Variants in RPTOR observed in about 807,000 individuals in gnomAD.
The protein encoded by RPTOR is regulatory associated protein of MTOR complex 1.
In RPTOR, 21 loss-of-function variants were observed where a neutral mutation model predicts 169.9. The ratio of observed to expected loss-of-function variants is 0.12; its 90% CI spans 0.09 to 0.18. The LOEUF (loss-of-function observed/expected upper bound fraction) is 0.18, where lower values mean the gene tolerates loss of function less well. Ranked by LOEUF, RPTOR falls within the 10% of genes least tolerant of loss-of-function variation. RPTOR has a pLI of 1.00. For synonymous variants in RPTOR, 732 were observed against 753.2 expected (o/e 0.97, Z 0.46); for missense variants, 1,133 against 1,855.9 (o/e 0.61, Z 7.16).
At chr17:80,649,425 C>T (rs989294078) in intron 3 of RPTOR, among the ~76,000 whole-genome samples, 1 of 152,108 alleles carries the variant, frequency 6.6e-6, no homozygotes, top group African/African-American at 2.4e-5. Flanking sequence ...CCAGCCCTCC[C>T]TCCTCCTGCC....
rs182377000 is a variant in RPTOR, at chr17:80,645,397, A to G, written c.348+1587A>G. ...TTTAAAAAAGAATGTAACCCAATAAATTCAGATCTACCAATTGTGTTCTTT... is the reference window on the plus strand; with the variant it reads ...TTTAAAAAAGAATGTAACCCAATAAGTTCAGATCTACCAATTGTGTTCTTT... On this transcript the variant is annotated intron_variant, in intron 3 of 33. Transcript: ENST00000306801. Among the ~76,000 whole-genome samples, 455 of 152,324 alleles carry G rather than the reference A, an allele frequency of 3.0e-3. 2 individuals carry two copies. The highest frequency in any genetic ancestry group is 0.01 in the African/African-American group (417 of 41,564).
chr17:80,574,172 T>G (rs1415464829), intron 1 of RPTOR, among the ~76,000 whole-genome samples: 1 of 148,690 alleles, frequency 6.7e-6, no homozygotes, highest in Admixed American at 6.7e-5. Context: ...TTTTTTTTTT[T>G]TTTGAGACGG....
intron 4 of RPTOR, among the ~76,000 whole-genome samples, chr17:80,714,970 A>G (rs6565477): frequency 1 from 151,777 of 152,324 alleles, 75,622 homozygotes; most frequent in Middle Eastern, 1. Context: ...TGATCCTCCC[A>G]CCTTGGCCTC....
At chr17:80,853,802 C>T (rs977180098) in intron 11 of RPTOR, among the ~76,000 whole-genome samples, 2 of 152,148 alleles carry the variant, frequency 1.3e-5, no homozygotes, top group Non-Finnish European at 2.9e-5. Context: ...TGCAGTGAAA[C>T]CCCGTCTCTA....
intron 20 of RPTOR, among the ~76,000 whole-genome samples, chr17:80,901,525 T>C (rs2068476347): frequency 6.6e-6 from 1 of 152,156 alleles, no homozygotes; most frequent in Non-Finnish European, 1.5e-5. Context: ...CTCATTCATA[T>C]TCAGTGAGGT....
chr17:80,723,345 A>G (rs1466774598), intron 4 of RPTOR, among the ~76,000 whole-genome samples: 1 of 150,754 alleles, frequency 6.6e-6, no homozygotes, highest in Non-Finnish European at 1.5e-5. Context: ...GTGGTGCTGT[A>G]CCTCCCTATT....
chr17:80,775,988 T>C (rs531830320), intron 6 of RPTOR, among the ~76,000 whole-genome samples: 1 of 152,046 alleles, frequency 6.6e-6, no homozygotes, highest in East Asian at 1.9e-4. Context: ...TTCCCTCTCA[T>C]AAAATTATAG....
intron 3 of RPTOR, among the ~76,000 whole-genome samples, chr17:80,700,636 GA>G (rs1180435235): frequency 1.4e-5 from 2 of 146,920 alleles, no homozygotes; most frequent in Non-Finnish European, 3.0e-5. Flanking sequence ...TGGCGGCGAT[GA>G]TGGTGGTGGT....
intron 9 of RPTOR, among the ~76,000 whole-genome samples, chr17:80,836,058 C>G (rs922633121): frequency 6.6e-6 from 1 of 152,098 alleles, no homozygotes; most frequent in Non-Finnish European, 1.5e-5. Flanking sequence ...GAAACGGATC[C>G]TAGAGAGAGA....
chr17:80,925,061 G>T (rs1195050732), intron 23 of RPTOR, among the ~76,000 whole-genome samples: 1 of 152,236 alleles, frequency 6.6e-6, no homozygotes, highest in African/African-American at 2.4e-5. Context: ...AGCACACATG[G>T]ACGCACGTGG....
chr17:80,751,813 T>C (rs2066633073), intron 5 of RPTOR, among the ~76,000 whole-genome samples: 2 of 152,222 alleles, frequency 1.3e-5, no homozygotes, highest in Non-Finnish European at 2.9e-5. Context: ...GTCTCTGTCA[T>C]GCGATGCTCC....
chr17:80,961,461 G>A lies in RPTOR; in HGVS notation c.3673G>A (p.Gly1225Ser), dbSNP rs780963796. Residue 1225 changes from glycine to serine, a missense_variant, in exon 31 of 34, where the codon GGC (glycine) becomes AGC (serine). Gly to Ser is a moderately conservative substitution (Grantham distance 56). Transcript: ENST00000306801. ...GGCCTCCCTGCAGAAGCGTCCCGAC[G>A]GCCACATCGTGAGTGTGAGGTGAGG... ...VKASLQKRPD[G>S]HIVSVSVNGD... 14 of 1,551,002 alleles carry A rather than the reference G, an allele frequency of 9.0e-6. No homozygotes were observed. The highest frequency in any genetic ancestry group is 2.4e-5 in the South Asian group (2 of 84,112).
intron 10 of RPTOR, among the ~76,000 whole-genome samples, chr17:80,838,663 A>G (rs1567940841): frequency 2.0e-5 from 3 of 152,224 alleles, no homozygotes; most frequent in Non-Finnish European, 2.9e-5. Flanking sequence ...CAAGGGAGCA[A>G]TCGGCAAGAG....
chr17:80,639,052 C>G (rs1483856044), intron 2 of RPTOR, among the ~76,000 whole-genome samples: 1 of 152,140 alleles, frequency 6.6e-6, no homozygotes, highest in Non-Finnish European at 1.5e-5. Flanking sequence ...TCACACGCCT[C>G]TCACTGTATA....
At chr17:80,896,630 C>T (rs1212807053) in intron 20 of RPTOR, among the ~76,000 whole-genome samples, 7 of 152,192 alleles carry the variant, frequency 4.6e-5, no homozygotes, top group African/African-American at 1.7e-4. Flanking sequence ...CCTTTGAGCC[C>T]GCTCCTCAGT....
chr17:80,549,741 A>G (rs1250256151), intron 1 of RPTOR, among the ~76,000 whole-genome samples: 1 of 152,158 alleles, frequency 6.6e-6, no homozygotes, highest in East Asian at 1.9e-4. Context: ...CTTGAGAGCT[A>G]TTGCTCTGAA....
chr17:80,781,229 C>A (rs1167810281), intron 6 of RPTOR, among the ~76,000 whole-genome samples: 1 of 152,178 alleles, frequency 6.6e-6, no homozygotes, highest in African/African-American at 2.4e-5. Flanking sequence ...AGATGGAGGA[C>A]TGTGCATTTC....
At chr17:80,773,187 CT>C (rs1269534356) in intron 6 of RPTOR, among the ~76,000 whole-genome samples, 1 of 152,246 alleles carries the variant, frequency 6.6e-6, no homozygotes, top group Non-Finnish European at 1.5e-5. Context: ...CACCACCACT[CT>C]TGGGACAGGT....
At chr17:80,895,558 C>T (rs1337956146) in intron 20 of RPTOR, among the ~76,000 whole-genome samples, 2 of 152,250 alleles carry the variant, frequency 1.3e-5, no homozygotes, top group African/African-American at 4.8e-5. Context: ...GCAGTAGGTG[C>T]TCAATACACA....
Sources: gnomAD v4.1 joint callset for allele counts (sites outside exome capture counted in the v4.1 genomes callset) on GRCh38, gnomAD v4.1.1 for gene constraint, MANE v1.5 for transcripts, NCBI Gene and HGNC (gene_info 2026-07-23, HGNC 2026-07-21) for gene names.